MDGA2: variants seen among roughly 807,000 people sequenced by gnomAD.
The protein encoded by MDGA2 is MAM domain-containing glycosylphosphatidylinositol anchor protein 2.
MDGA2 carries 40 observed loss-of-function variants against 117.8 expected under a neutral mutation model. The observed-to-expected ratio is 0.34, with a 90% CI of 0.26 to 0.44. The LOEUF (loss-of-function observed/expected upper bound fraction) is 0.44, where lower values mean the gene tolerates loss of function less well. MDGA2 is among the 20% of genes least tolerant of loss of function. The probability of loss-of-function intolerance (pLI) is 1.00; values close to 1 mark genes in which losing one functional copy is unlikely to be tolerated. For synonymous variants in MDGA2, 452 were observed against 439.0 expected (o/e 1.03, Z -0.37); for missense variants, 1,123 against 1,250.6 (o/e 0.90, Z 1.54).
At chr14:47,056,096 C>G (rs1483138803) in intron 7 of MDGA2, among the ~76,000 whole-genome samples, 1 of 152,054 alleles carries the variant, frequency 6.6e-6, no homozygotes, top group Non-Finnish European at 1.5e-5. Context: ...ATAAAATAAC[C>G]TATTCCTTAC....
At chr14:47,322,072 G>A (rs1201154148) in intron 1 of MDGA2, among the ~76,000 whole-genome samples, 2 of 152,138 alleles carry the variant, frequency 1.3e-5, no homozygotes, top group African/African-American at 4.8e-5. Context: ...TGGAGAGAAA[G>A]AGAGAGACAG....
At chr14:47,038,845 G>A (rs1455118390) in intron 7 of MDGA2, among the ~76,000 whole-genome samples, 1 of 151,854 alleles carries the variant, frequency 6.6e-6, no homozygotes, top group African/African-American at 2.4e-5. Flanking sequence ...TGGAGGCTTA[G>A]GGGCTCAGGC....
intron 1 of MDGA2, among the ~76,000 whole-genome samples, chr14:47,431,482 G>A (rs1001327293): frequency 6.6e-6 from 1 of 151,956 alleles, no homozygotes; most frequent in African/African-American, 2.4e-5. Context: ...CAATGCCCAG[G>A]CACACAAAAA....
At chr14:47,057,576 C>T (rs1889724132) in intron 7 of MDGA2, among the ~76,000 whole-genome samples, 1 of 140,074 alleles carries the variant, frequency 7.1e-6, no homozygotes, top group African/African-American at 2.6e-5. Flanking sequence ...ATTCAAACTC[C>T]AAAACACATG....
chr14:46,884,365 A>G lies in MDGA2; in HGVS notation c.2239-2144T>C, dbSNP rs1484235649. 6.6e-6 allele frequency among the ~76,000 whole-genome samples: 1 copy of G among 152,142 alleles called. No individual in the cohort carries two copies. The highest frequency in any genetic ancestry group is 6.6e-5 in the Admixed American group (1 of 15,240). ...GCCATTTTCCCTTGGATTTTTACGT[A>G]GTACTTTCTCTATGTACACACACAT... On this transcript the variant is annotated intron_variant, in intron 10 of 16. Transcript: ENST00000399232. This position sits in a 1 kb window ranked among gnomAD's most constrained non-coding sequence, Gnocchi z 4.1.
At chr14:47,172,215 G>A (rs1884181564) in intron 3 of MDGA2, among the ~76,000 whole-genome samples, 2 of 152,154 alleles carry the variant, frequency 1.3e-5, no homozygotes, top group Non-Finnish European at 2.9e-5. Context: ...GCCTCTGGGG[G>A]CAGGGCACAG....
intron 1 of MDGA2, among the ~76,000 whole-genome samples, chr14:47,417,972 C>A (rs1448034248): frequency 6.6e-6 from 1 of 152,172 alleles, no homozygotes; most frequent in Non-Finnish European, 1.5e-5. Flanking sequence ...CTGGACCTCC[C>A]AAACTGCTGG....
chr14:47,211,406 T>C (rs912584521), intron 3 of MDGA2, among the ~76,000 whole-genome samples: 3 of 152,136 alleles, frequency 2.0e-5, no homozygotes, highest in Non-Finnish European at 4.4e-5. Flanking sequence ...AAGTATGTGC[T>C]TCCTGTCTTC....
rs540673900 is a variant in MDGA2, at chr14:46,960,507, C to T, written c.1820-2864G>A. 3 of 152,106 alleles carry T rather than the reference C, an allele frequency of 2.0e-5. No individual in the cohort carries two copies. In the East Asian group the frequency reaches 5.8e-4, roughly 29 times the overall value. The allele number at this position is 152,106 out of a possible 1,614,324, so 9.4% of individuals were successfully genotyped here. ...CTGAAGTTCTTTATAGGACACCATA[C>T]ACACGAAATAGTGCTATGTTTTCCT... On this transcript the variant is annotated intron_variant, in intron 8 of 16. Transcript: ENST00000399232.
At chr14:47,028,639 A>G (rs1888557731) in intron 8 of MDGA2, among the ~76,000 whole-genome samples, 1 of 152,180 alleles carries the variant, frequency 6.6e-6, no homozygotes, top group Non-Finnish European at 1.5e-5. Context: ...GAGGGTTGCG[A>G]CTTAGCTAGG....
At chr14:47,022,015 T>G (rs1479627980) in intron 8 of MDGA2, among the ~76,000 whole-genome samples, 1 of 152,146 alleles carries the variant, frequency 6.6e-6, no homozygotes, top group Admixed American at 6.6e-5. Flanking sequence ...ACGTGTAGAG[T>G]TATAACTTCA....
chr14:47,426,092 G>A (rs1007576593), intron 1 of MDGA2, among the ~76,000 whole-genome samples: 1 of 152,000 alleles, frequency 6.6e-6, no homozygotes, highest in Non-Finnish European at 1.5e-5. Context: ...ATTTTGTAGA[G>A]TATATAAAAT....
chr14:47,083,541 G>A (rs1333478455), intron 6 of MDGA2, among the ~76,000 whole-genome samples: 1 of 151,884 alleles, frequency 6.6e-6, no homozygotes, highest in Admixed American at 6.6e-5. Flanking sequence ...ATAAGAAACA[G>A]AGAATTGGAA....
At chr14:47,633,330 A>G (rs558193815) in intron 1 of MDGA2, among the ~76,000 whole-genome samples, 3 of 152,334 alleles carry the variant, frequency 2.0e-5, no homozygotes, top group African/African-American at 4.8e-5. Context: ...CCTTAGTTCA[A>G]TAAAGAGCAG....
intron 1 of MDGA2, among the ~76,000 whole-genome samples, chr14:47,588,221 C>G (rs893319649): frequency 1.7e-4 from 21 of 123,752 alleles, no homozygotes; most frequent in African/African-American, 6.6e-4. Context: ...ATTTTCAAAT[C>G]TCTTGGAGAT....
intron 8 of MDGA2, among the ~76,000 whole-genome samples, chr14:46,978,008 G>GT (rs1886532369): frequency 6.6e-6 from 1 of 151,734 alleles, no homozygotes; most frequent in South Asian, 2.1e-4. Context: ...TGGCTTAACA[G>GT]TTTTTTTCAG....
chr14:47,066,298 C>T (rs1594583687), intron 6 of MDGA2, among the ~76,000 whole-genome samples: 1 of 152,244 alleles, frequency 6.6e-6, no homozygotes, highest in African/African-American at 2.4e-5. Context: ...TTATAATTGA[C>T]ATTTCAAAGC....
At chr14:46,967,681 A>T (rs935145906) in intron 8 of MDGA2, among the ~76,000 whole-genome samples, 4 of 152,042 alleles carry the variant, frequency 2.6e-5, no homozygotes, top group Admixed American at 1.3e-4. Context: ...GTCCCCCCTT[A>T]TCCATGCAAG....
Position 46,886,781 on chromosome 14 carries a change from A to G in MDGA2, c.2239-4560T>C, listed in dbSNP as rs749299081. On this transcript the variant is annotated intron_variant, in intron 10 of 16. Coordinates refer to ENST00000399232, the MANE Select transcript of MDGA2 (RefSeq NM_001113498.3). ...ATTCTATGACAGTGCTCTCTCTCAT[A>G]TTGCTTCCCACATCAGCATCTTTGG... Among the ~76,000 whole-genome samples the G allele has an allele frequency of 5.3e-4, 81 of 152,136 alleles. 1 individual carries two copies. In the Middle Eastern group the frequency reaches 0.017, roughly 32 times the overall value.
Sources: gnomAD v4.1 joint callset for allele counts (sites outside exome capture counted in the v4.1 genomes callset) on GRCh38, gnomAD v4.1.1 for gene constraint, Gnocchi (gnomAD v3.1) non-coding constraint, MANE v1.5 for transcripts, NCBI Gene and HGNC (gene_info 2026-07-23, HGNC 2026-07-21) for gene names.